JCAD: variants seen among roughly 807,000 people sequenced by gnomAD.
JCAD encodes the protein junctional cadherin 5-associated protein.
In JCAD, 40 loss-of-function variants were observed where a neutral mutation model predicts 98.0. That is an observed-to-expected ratio of 0.41 (90% CI 0.32 to 0.53). The LOEUF is 0.53. Ranked by LOEUF, JCAD falls within the 20% of genes least tolerant of loss-of-function variation. The pLI, the probability that JCAD is intolerant of heterozygous loss-of-function variation, is 0.31. For synonymous variants in JCAD, 691 were observed against 682.3 expected (o/e 1.01, Z -0.20); for missense variants, 1,705 against 1,738.1 (o/e 0.98, Z 0.34).
intron 1 of JCAD, among the ~76,000 whole-genome samples, chr10:30,071,342 A>G (rs1837886444): frequency 6.6e-6 from 1 of 152,174 alleles, no homozygotes; most frequent in Admixed American, 6.5e-5. Context: ...AGGGAAGTGT[A>G]GTATCAAAGA....
In JCAD at chr10:30,109,674, G is replaced by A. The variant is rs1039388090; in HGVS notation, n.128+5693C>T. On this transcript the variant is annotated intron_variant and non_coding_transcript_variant, in intron 1 of 2. Transcript: ENST00000465712. ...ACAATCCAAGGGTTGGGTGGATGGT[G>A]GAAGGATACTATGATTTGCCATGGC... 3.9e-5 allele frequency among the ~76,000 whole-genome samples: 6 copies of A among 152,204 alleles called. No individual in the cohort carries two copies. The East Asian group carries it at 9.6e-4, about 24-fold the overall frequency.
chr10:30,114,472 G>C (rs1187936552), intron 1 of JCAD, among the ~76,000 whole-genome samples: 1 of 151,390 alleles, frequency 6.6e-6, no homozygotes, highest in Non-Finnish European at 1.5e-5. Flanking sequence ...TGTCTCAGGA[G>C]AGTTATGGAT....
intron 2 of JCAD, among the ~76,000 whole-genome samples, chr10:30,042,207 G>A (rs1049598915): frequency 1.3e-5 from 2 of 152,208 alleles, no homozygotes; most frequent in Admixed American, 1.3e-4. Flanking sequence ...TTGTCAAATT[G>A]TCTGTGAAGA....
chr10:30,024,390 G>A (rs575916931), intron 3 of JCAD, among the ~76,000 whole-genome samples: 1 of 152,212 alleles, frequency 6.6e-6, no homozygotes, highest in East Asian at 1.9e-4. Context: ...AAGTCTAGTG[G>A]GCATATTTTT....
intron 3 of JCAD, among the ~76,000 whole-genome samples, chr10:30,020,361 G>GAAAAACAA (rs1401817957): frequency 6.7e-6 from 1 of 149,078 alleles, no homozygotes; most frequent in Non-Finnish European, 1.5e-5. Context: ...AAAGAAAAGT[G>GAAAAACAA]AAAAACAATC....
At position 30,028,827 on chromosome 10, in the gene JCAD, C is replaced by T. The variant is rs201895257; in HGVS notation, c.1321G>A (p.Gly441Ser). Reference protein sequence around the residue: ...LRHFKLAQPQGFCEDIKLDDK... With the variant: ...LRHFKLAQPQSFCEDIKLDDK... Reference sequence around the variant, plus strand: ...TCAAGCTTTATGTCTTCACAGAAACCCTGGGGCTGAGCTAGTTTAAAATGT... The same window carrying T: ...TCAAGCTTTATGTCTTCACAGAAACTCTGGGGCTGAGCTAGTTTAAAATGT... The change falls in exon 3 of 4, where the codon GGT becomes AGT. Residue 441 changes from glycine to serine, a missense_variant. Gly to Ser is a moderately conservative substitution (Grantham distance 56, BLOSUM62 0). Around this residue, in one of 3 missense-constraint regions of JCAD, gnomAD observed 1,278 missense variants for 1,243.1 expected, o/e 1.03. Coordinates refer to ENST00000375377, the MANE Select transcript of JCAD (RefSeq NM_020848.4). 206 of 1,614,206 alleles carry T rather than the reference C, an allele frequency of 1.3e-4. No homozygotes were observed. Among genetic ancestry groups the T allele is most frequent in the Non-Finnish European group, 1.7e-4 (197 of 1,180,042 alleles).
At chr10:30,068,390 CAAAAAA>C (rs34060997) in intron 2 of JCAD, among the ~76,000 whole-genome samples, 6 of 48,210 alleles carry the variant, frequency 1.2e-4, no homozygotes, top group Admixed American at 4.4e-4. Flanking sequence ...AACTCTGTCT[CAAAAAA>C]AAAAAAAAAA....
rs1223852212 is a variant in JCAD, at chr10:30,013,859, G to T, written c.*4024C>A. The T allele has an allele frequency of 6.6e-6, 1 of 152,158 alleles. No homozygotes were observed. Among genetic ancestry groups the T allele is most frequent in the Non-Finnish European group, 1.5e-5 (1 of 68,044 alleles). The allele number at this position is 152,158 out of a possible 1,614,324, so 9.4% of individuals were successfully genotyped here. Reference sequence around the variant, plus strand: ...AGTATCGCAGAGGCTTTCCAAGGTCGATGCCAGGAATCTGCAGGAGCCTTG... The same window carrying T: ...AGTATCGCAGAGGCTTTCCAAGGTCTATGCCAGGAATCTGCAGGAGCCTTG... On this transcript the variant is annotated 3_prime_UTR_variant, in exon 4 of 4. Coordinates refer to ENST00000375377, the MANE Select transcript of JCAD (RefSeq NM_020848.4).
chr10:30,026,696 C>A lies in JCAD; in HGVS notation c.3452G>T (p.Cys1151Phe). Residue 1151 changes from cysteine (C) to phenylalanine (F), a missense_variant, in exon 3 of 4, where the codon TGC (cysteine) becomes TTC (phenylalanine). By Grantham distance (205) the Cys-to-Phe change is radical. Coordinates refer to ENST00000375377, the MANE Select transcript of JCAD (RefSeq NM_020848.4). The stretch of plus-strand genomic sequence containing the variant: ...AAAGAGAGGGCTCTTGGTCCAGCCG[C>A]ACTTCCTCCTGCCATAAAAGGCATC... Reference protein sequence around the residue: ...STDAFYGRRKCGWTKSPLFVG... With the variant: ...STDAFYGRRKFGWTKSPLFVG... The A allele has an allele frequency of 6.2e-7, 1 of 1,613,836 alleles. No individual in the cohort carries two copies. Among genetic ancestry groups the A allele is most frequent in the East Asian group, 2.2e-5 (1 of 44,872 alleles).
At position 30,026,645 on chromosome 10, in the gene JCAD, C is replaced by G; in HGVS notation, c.3503G>C (p.Arg1168Pro). 4.3e-6 allele frequency: 7 copies of G among 1,613,092 alleles called. No individual in the cohort carries two copies. The highest frequency in any genetic ancestry group is 5.9e-6 in the Non-Finnish European group (7 of 1,180,030). ...TGAGTGCTCAAAAGCCTGAGGAGCC[C>G]GCCTGGCACTGTCCCTGTCCCCTAC... is the stretch of plus-strand genomic sequence containing the variant. ...LFVGDRDSARRAPQAFEHSDV... is the reference protein window; with the variant it reads ...LFVGDRDSARPAPQAFEHSDV... Residue 1168 changes from arginine to proline, a missense_variant, in exon 3 of 4, where the codon CGG (arginine) becomes CCG (proline). Arg to Pro is a moderately radical substitution (Grantham distance 103). Around this residue, in one of 3 missense-constraint regions of JCAD, gnomAD observed 1,278 missense variants for 1,243.1 expected, o/e 1.03. Coordinates refer to ENST00000375377, the MANE Select transcript of JCAD (RefSeq NM_020848.4).
chr10:30,054,043 C>A (rs1339888950), intron 1 of JCAD, among the ~76,000 whole-genome samples: 1 of 152,186 alleles, frequency 6.6e-6, no homozygotes, highest in Non-Finnish European at 1.5e-5. Flanking sequence ...CCCTGAGCGA[C>A]AATGAGGCTC....
At chr10:30,061,683 G>A (rs1244857672), upstream of JCAD, among the ~76,000 whole-genome samples, 2 of 152,004 alleles carry the variant, frequency 1.3e-5, no homozygotes, top group African/African-American at 4.8e-5. Context: ...ACAAAGGCTG[G>A]GAAAATAGGA....
chr10:30,107,594 TC>T (rs1304248388), intron 1 of JCAD, among the ~76,000 whole-genome samples: 2 of 152,214 alleles, frequency 1.3e-5, no homozygotes, highest in Non-Finnish European at 2.9e-5. Context: ...TGAGCAGCCG[TC>T]GCCACTGCTC....
intron 1 of JCAD, among the ~76,000 whole-genome samples, chr10:30,098,098 C>T (rs75328593): frequency 0.01 from 1,579 of 152,232 alleles, 24 homozygotes; most frequent in Middle Eastern, 0.054. Context: ...CTCAGTCCCT[C>T]CCTAATAGCA....
chr10:30,089,699 T>C (rs1838229966), intron 1 of JCAD, among the ~76,000 whole-genome samples: 1 of 152,152 alleles, frequency 6.6e-6, no homozygotes, highest in African/African-American at 2.4e-5. Flanking sequence ...AGTGACAGTG[T>C]CTGATTTATT....
intron 1 of JCAD, among the ~76,000 whole-genome samples, chr10:30,113,120 C>G (rs1189876107): frequency 1.3e-5 from 2 of 152,066 alleles, no homozygotes; most frequent in African/African-American, 4.8e-5. Context: ...TATTTTGTCA[C>G]AATTTTTAAG....
At chr10:30,100,153 T>C (rs1838445110) in intron 1 of JCAD, among the ~76,000 whole-genome samples, 1 of 152,210 alleles carries the variant, frequency 6.6e-6, no homozygotes, top group Non-Finnish European at 1.5e-5. Context: ...AGGCGCACCC[T>C]TCTATAGAAG....
chr10:30,049,061 T>C (rs1177622683), intron 1 of JCAD, among the ~76,000 whole-genome samples: 1 of 152,168 alleles, frequency 6.6e-6, no homozygotes, highest in East Asian at 1.9e-4. Context: ...GAAACCTACC[T>C]ACGAGCAAAA....
chr10:30,094,793 C>A (rs73598351), intron 1 of JCAD, among the ~76,000 whole-genome samples: 4,518 of 152,216 alleles, frequency 0.03, 190 homozygotes, highest in African/African-American at 0.098. Flanking sequence ...CCACCTGTTC[C>A]CAGTCATTTT....
Sources: allele counts gnomAD v4.1 joint callset (sites outside exome capture counted in the v4.1 genomes callset), GRCh38; gene constraint gnomAD v4.1.1; regional missense constraint gnomAD v4.1.1; transcripts MANE v1.5; gene names NCBI Gene and HGNC (gene_info 2026-07-23, HGNC 2026-07-21).